RNF150: variants seen among roughly 807,000 people sequenced by gnomAD.
The protein encoded by RNF150 is ring finger protein 150.
Under a neutral mutation model 39.3 loss-of-function variants are expected in RNF150, and 24 were observed. That is an observed-to-expected ratio of 0.61 (90% CI 0.44 to 0.86). RNF150 has a LOEUF of 0.86. Ranked by LOEUF, RNF150 falls within the 40% of genes least tolerant of loss-of-function variation. The pLI is 0.00. For synonymous variants in RNF150, 255 were observed against 227.3 expected, an observed-to-expected ratio of 1.12 and a Z score of -1.10; for missense variants, 502 against 587.8, an observed-to-expected ratio of 0.85 and a Z score of 1.51.
At chr4:140,871,293 A>G (rs1728928795) in intron 6 of RNF150, among the ~76,000 whole-genome samples, 1 of 152,180 alleles carries the variant, frequency 6.6e-6, no homozygotes, top group Admixed American at 6.5e-5. Context: ...ATTATTAGAT[A>G]GAATGACCAC....
chr4:141,002,345 A>G (rs1384793411), intron 1 of RNF150, among the ~76,000 whole-genome samples: 1 of 152,080 alleles, frequency 6.6e-6, no homozygotes, highest in African/African-American at 2.4e-5. Context: ...CCAGAGTTCT[A>G]TCAACAGCCT....
chr4:141,171,300 C>T (rs1344718649), intron 1 of RNF150, among the ~76,000 whole-genome samples: 1 of 152,172 alleles, frequency 6.6e-6, no homozygotes, highest in Admixed American at 6.5e-5. Flanking sequence ...CCACTAACAG[C>T]CACACCTCTT....
chr4:141,023,189 A>G (rs1735561504), intron 1 of RNF150, among the ~76,000 whole-genome samples: 1 of 151,958 alleles, frequency 6.6e-6, no homozygotes, highest in Non-Finnish European at 1.5e-5. Flanking sequence ...TAAAATTTAA[A>G]ATTTTCTAGT....
rs1215118780 is a variant in RNF150, at chr4:141,132,994, GC to G, written c.-187del. On this transcript the variant is annotated 5_prime_UTR_variant, in exon 1 of 7. An upstream open reading frame in the 5' UTR loses its in-frame stop. Transcript: ENST00000515673. This position sits in a 1 kb window ranked among gnomAD's most constrained non-coding sequence, Gnocchi z 4.9. ...GATTCCGGGCGAGCGGATGGCGCTG[GC>G]CCCTTCCCCTCTCAGCTGTAGCGCG... 1.8e-6 allele frequency: 1 copy of G among 548,080 alleles called. No individual in the cohort carries two copies. Among genetic ancestry groups the G allele is most frequent in the Non-Finnish European group, 3.2e-6 (1 of 317,414 alleles). 34.0% of individuals were successfully genotyped at this position (548,080 alleles called of 1,614,324 possible).
chr4:141,143,405 G>A (rs540988602), intron 1 of RNF150, among the ~76,000 whole-genome samples: 6 of 152,118 alleles, frequency 3.9e-5, no homozygotes, highest in South Asian at 4.2e-4. Flanking sequence ...CCTGCCCCAC[G>A]TCTAAACATC....
chr4:141,139,139 C>T (rs1185286573), intron 1 of RNF150, among the ~76,000 whole-genome samples: 1 of 152,150 alleles, frequency 6.6e-6, no homozygotes, highest in African/African-American at 2.4e-5. Context: ...CACTTGAGCA[C>T]AGGAGTTCGA....
intron 1 of RNF150, among the ~76,000 whole-genome samples, chr4:141,197,877 CAA>C (rs112112720): frequency 2.1e-5 from 3 of 140,272 alleles, no homozygotes; most frequent in African/African-American, 7.9e-5. Context: ...GATTCTGTCT[CAA>C]AAAAAAAATA....
In RNF150 at chr4:141,104,895, G is replaced by GTC. The variant is rs1271774037; in HGVS notation, c.484+27428_484+27429dup. On this transcript the variant is annotated intron_variant, in intron 1 of 6. Coordinates refer to ENST00000515673, the MANE Select transcript of RNF150 (RefSeq NM_020724.2). ...CCAACTCCCTCATGGTGATGAGGCT[G>GTC]TCTCTCTCTCTCTCTTGTGCACACA... 6.5e-4 allele frequency among the ~76,000 whole-genome samples: 98 copies of GTC among 151,158 alleles called. 1 individual carries two copies. The highest frequency in any genetic ancestry group is 3.9e-4 in the East Asian group (2 of 5,148).
intron 1 of RNF150, among the ~76,000 whole-genome samples, chr4:141,166,637 A>G (rs546002220): frequency 3.3e-5 from 5 of 152,348 alleles, no homozygotes; most frequent in Admixed American, 1.3e-4. Context: ...GACTGGTTCA[A>G]CATATGCAAA....
chr4:141,001,952 A>C (rs1208609316), intron 1 of RNF150, among the ~76,000 whole-genome samples: 1 of 152,064 alleles, frequency 6.6e-6, no homozygotes, highest in Non-Finnish European at 1.5e-5. Context: ...CTTTAAATTC[A>C]CTCACTTTTA....
chr4:140,878,936 C>T (rs748025105), intron 6 of RNF150, among the ~76,000 whole-genome samples: 8 of 152,128 alleles, frequency 5.3e-5, no homozygotes, highest in Non-Finnish European at 7.4e-5. Flanking sequence ...TGTATGCTTA[C>T]GCTCTAAGAT....
intron 1 of RNF150, among the ~76,000 whole-genome samples, chr4:141,079,334 C>T (rs1738060031): frequency 6.6e-6 from 1 of 152,200 alleles, no homozygotes; most frequent in Non-Finnish European, 1.5e-5. Context: ...GCCATTAAAA[C>T]TCCTAAGAAG....
chr4:141,144,549 T>A (rs761548659), intron 1 of RNF150, among the ~76,000 whole-genome samples: 40 of 152,032 alleles, frequency 2.6e-4, no homozygotes, highest in African/African-American at 9.7e-4. Flanking sequence ...TTGTGGCTAA[T>A]AAGCTCAATT....
intron 1 of RNF150, among the ~76,000 whole-genome samples, chr4:141,005,600 G>A (rs1363265688): frequency 2.0e-5 from 3 of 152,020 alleles, no homozygotes; most frequent in Non-Finnish European, 2.9e-5. Flanking sequence ...CACTGCACAA[G>A]TACTTAGAAT....
At chr4:141,103,980 A>G (rs1490056167) in intron 1 of RNF150, among the ~76,000 whole-genome samples, 1 of 152,196 alleles carries the variant, frequency 6.6e-6, no homozygotes, top group East Asian at 1.9e-4. Context: ...ATTTTTCTTC[A>G]ATTCTGAGTC....
At chr4:141,082,858 A>AT (rs1300978487) in intron 1 of RNF150, among the ~76,000 whole-genome samples, 1 of 152,138 alleles carries the variant, frequency 6.6e-6, no homozygotes, top group Non-Finnish European at 1.5e-5. Flanking sequence ...AAAGGAAATT[A>AT]TTTTTTACAT....
At chr4:141,194,163 C>T (rs2111206340) in intron 1 of RNF150, among the ~76,000 whole-genome samples, 1 of 152,264 alleles carries the variant, frequency 6.6e-6, no homozygotes, top group South Asian at 2.1e-4. Flanking sequence ...CTGACAGGTA[C>T]CCATTGCTTG....
At chr4:141,166,717 G>C (rs1727611819) in intron 1 of RNF150, among the ~76,000 whole-genome samples, 1 of 152,128 alleles carries the variant, frequency 6.6e-6, no homozygotes, top group African/African-American at 2.4e-5. Context: ...AATAGATACA[G>C]AAAAGACCTT....
intron 1 of RNF150, among the ~76,000 whole-genome samples, chr4:141,198,186 A>C (rs71608429): frequency 0.29 from 43,743 of 151,280 alleles, 6,703 homozygotes; most frequent in African/African-American, 0.39. Context: ...CCACTAATCC[A>C]AGATAATTTT....
Sources: allele counts gnomAD v4.1 joint callset (sites outside exome capture counted in the v4.1 genomes callset), GRCh38; gene constraint gnomAD v4.1.1; non-coding constraint Gnocchi (gnomAD v3.1); transcripts MANE v1.5; gene names NCBI Gene and HGNC (gene_info 2026-07-23, HGNC 2026-07-21).